Variants in CCDC60 observed in about 807,000 individuals in gnomAD.
CCDC60 encodes the protein coiled-coil domain-containing protein 60.
A neutral mutation model predicts 63.5 loss-of-function variants in CCDC60; 54 were observed. The ratio of observed to expected loss-of-function variants is 0.85; its 90% CI spans 0.68 to 1.07. CCDC60 has a LOEUF of 1.07. Ranked by LOEUF, CCDC60 falls within the 50% of genes least tolerant of loss-of-function variation. The pLI, the probability that CCDC60 is intolerant of heterozygous loss-of-function variation, is 0.00. For synonymous variants in CCDC60, 206 were observed against 238.8 expected, an observed-to-expected ratio of 0.86 and a Z score of 1.27; for missense variants, 651 against 684.3, an observed-to-expected ratio of 0.95 and a Z score of 0.54.
chr12:119,530,149 T>C (rs1356559008), intron 12 of CCDC60, among the ~76,000 whole-genome samples: 1 of 151,990 alleles, frequency 6.6e-6, no homozygotes, highest in Admixed American at 6.6e-5. Context: ...GGAATCAATA[T>C]AATAAATATA....
At chr12:119,460,291 C>G (rs773110226) in intron 2 of CCDC60, among the ~76,000 whole-genome samples, 3 of 152,194 alleles carry the variant, frequency 2.0e-5, no homozygotes, top group African/African-American at 4.8e-5. Flanking sequence ...CTACTCCAGG[C>G]CATCTTTCTT....
At chr12:119,368,776 C>T (rs1008445661) in intron 1 of CCDC60, among the ~76,000 whole-genome samples, 1 of 152,186 alleles carries the variant, frequency 6.6e-6, no homozygotes, top group Non-Finnish European at 1.5e-5. Flanking sequence ...TCGTAATTAA[C>T]GTGGCCCGGT....
chr12:119,537,482 A>C (rs1953037797), intron 13 of CCDC60, among the ~76,000 whole-genome samples: 1 of 152,162 alleles, frequency 6.6e-6, no homozygotes, highest in African/African-American at 2.4e-5. Flanking sequence ...CCTTTGGAGG[A>C]GAAGAGGTGC....
Position 119,410,161 on chromosome 12 carries a change from G to A in CCDC60, c.91-18522G>A, listed in dbSNP as rs1445590232. On this transcript the variant is annotated intron_variant, in intron 1 of 13. Coordinates refer to ENST00000327554, the MANE Select transcript of CCDC60 (RefSeq NM_178499.5). The surrounding 1 kb of genome is among the most constrained non-coding windows in gnomAD (Gnocchi z 4.0). ...GCTACCATGTGTATTTGTGTGAAAGGTAGATGCTAGTGTTGGAAAGAGTGT... is the reference window on the plus strand; with the variant it reads ...GCTACCATGTGTATTTGTGTGAAAGATAGATGCTAGTGTTGGAAAGAGTGT... 6.7e-6 allele frequency among the ~76,000 whole-genome samples: 1 copy of A among 149,168 alleles called. No homozygotes were observed. The highest frequency in any genetic ancestry group is 1.5e-5 in the Non-Finnish European group (1 of 67,688).
intron 4 of CCDC60, among the ~76,000 whole-genome samples, chr12:119,483,334 A>C (rs545330552): frequency 6.6e-6 from 1 of 152,364 alleles, no homozygotes; most frequent in South Asian, 2.1e-4. Context: ...CAGTCCCTTC[A>C]GTCCCTGTGT....
Position 119,516,646 on chromosome 12 carries a change from G to T in CCDC60, c.907G>T (p.Val303Phe), listed in dbSNP as rs753334905. The T allele has an allele frequency of 1.2e-6, 2 of 1,613,730 alleles. No homozygotes were observed. Among genetic ancestry groups the T allele is most frequent in the Non-Finnish European group, 1.7e-6 (2 of 1,179,830 alleles). ...YMNLQKLLEMVREDARRTVTI... is the reference protein window; with the variant it reads ...YMNLQKLLEMFREDARRTVTI... ...AGATCTGCAGAAGCTCCTGGAGATG[G>T]TTCGGGAAGATGCCCGGAGGACAGT... Residue 303 changes from valine (V) to phenylalanine (F), a missense_variant, in exon 8 of 14, where the codon GTT (valine) becomes TTT (phenylalanine). Val to Phe is a conservative substitution (Grantham distance 50). Transcript: ENST00000327554.
chr12:119,353,502 C>G (rs7484553), intron 1 of CCDC60, among the ~76,000 whole-genome samples: 2 of 139,158 alleles, frequency 1.4e-5, no homozygotes, highest in African/African-American at 2.6e-5. Context: ...GTCTCTCTGT[C>G]TCTCTGTCTG....
intron 6 of CCDC60, among the ~76,000 whole-genome samples, chr12:119,501,669 T>G (rs1951856235): frequency 6.6e-6 from 1 of 152,090 alleles, no homozygotes; most frequent in African/African-American, 2.4e-5. Context: ...ACAGTGTGCA[T>G]CCGTCTTCAG....
At chr12:119,439,273 G>A (rs946502422) in intron 2 of CCDC60, among the ~76,000 whole-genome samples, 5 of 151,654 alleles carry the variant, frequency 3.3e-5, no homozygotes. Flanking sequence ...GTGTGCACGT[G>A]CATGCATACA....
intron 8 of CCDC60, among the ~76,000 whole-genome samples, chr12:119,518,974 A>C (rs1245934322): frequency 1.3e-5 from 2 of 152,218 alleles, no homozygotes; most frequent in African/African-American, 4.8e-5. Context: ...AATGTGTTGA[A>C]GTTTCCCTTC....
At chr12:119,391,640 G>GTCATGTGATGCTGCGGTGTCT (rs1956160889) in intron 1 of CCDC60, among the ~76,000 whole-genome samples, 1 of 152,262 alleles carries the variant, frequency 6.6e-6, no homozygotes, top group Non-Finnish European at 1.5e-5. Flanking sequence ...TAATGTGCAT[G>GTCATGTGATGCTGCGGTGTCT]TCATGTGATG....
At chr12:119,399,800 A>G (rs1274517088) in intron 1 of CCDC60, among the ~76,000 whole-genome samples, 1 of 152,184 alleles carries the variant, frequency 6.6e-6, no homozygotes, top group Non-Finnish European at 1.5e-5. Flanking sequence ...TAGTCCCTTC[A>G]GTGTGGCCAG....
chr12:119,466,709 T>C (rs963615861), intron 2 of CCDC60, among the ~76,000 whole-genome samples: 1 of 152,202 alleles, frequency 6.6e-6, no homozygotes, highest in African/African-American at 2.4e-5. Context: ...ACTGGTCCCT[T>C]CCTGCTCTTT....
intron 1 of CCDC60, among the ~76,000 whole-genome samples, chr12:119,425,339 C>T (rs1956881652): frequency 6.6e-6 from 1 of 152,162 alleles, no homozygotes; most frequent in Non-Finnish European, 1.5e-5. Flanking sequence ...AATCTCATTG[C>T]TTTCACTATA....
intron 1 of CCDC60, among the ~76,000 whole-genome samples, chr12:119,369,241 A>G (rs1955874307): frequency 6.6e-6 from 1 of 152,172 alleles, no homozygotes; most frequent in Non-Finnish European, 1.5e-5. Context: ...TTTGGAGAGA[A>G]AGACGCTCGC....
intron 1 of CCDC60, among the ~76,000 whole-genome samples, chr12:119,387,828 G>A (rs767397131): frequency 2.0e-5 from 3 of 152,042 alleles, no homozygotes; most frequent in Non-Finnish European, 2.9e-5. Context: ...CCCCTCTGAC[G>A]CACATTTCAG....
chr12:119,473,578 A>G (rs1017732445), intron 3 of CCDC60, among the ~76,000 whole-genome samples: 5 of 152,098 alleles, frequency 3.3e-5, no homozygotes, highest in East Asian at 1.9e-4. Flanking sequence ...ACTGTACCCA[A>G]TGTGCAGTCT....
At chr12:119,426,368 T>G (rs1247431096) in intron 1 of CCDC60, among the ~76,000 whole-genome samples, 1 of 148,288 alleles carries the variant, frequency 6.7e-6, no homozygotes, top group Non-Finnish European at 1.5e-5. Context: ...TTTTGTTTTG[T>G]TTTTTTGAGA....
chr12:119,469,246 G>C (rs760540505), intron 2 of CCDC60, among the ~76,000 whole-genome samples: 6 of 152,048 alleles, frequency 3.9e-5, no homozygotes, highest in Non-Finnish European at 7.4e-5. Flanking sequence ...GCACTTTCTT[G>C]CTTTTCAAAA....
Sources: allele counts gnomAD v4.1 joint callset (sites outside exome capture counted in the v4.1 genomes callset), GRCh38; gene constraint gnomAD v4.1.1; non-coding constraint Gnocchi (gnomAD v3.1); transcripts MANE v1.5; gene names NCBI Gene and HGNC (gene_info 2026-07-23, HGNC 2026-07-21).